The following ADAMTS6 variants were observed in gnomAD, a reference collection of about 807,000 sequenced individuals.
ADAMTS6 encodes A disintegrin and metalloproteinase with thrombospondin motifs 6.
A neutral mutation model predicts 144.3 loss-of-function variants in ADAMTS6; 23 were observed. The ratio of observed to expected loss-of-function variants is 0.16; its 90% CI spans 0.11 to 0.23. ADAMTS6 has a LOEUF of 0.23. Among genes scored for constraint, ADAMTS6 ranks in the 10% least tolerant of loss-of-function variants. ADAMTS6 has a pLI of 1.00. For synonymous variants in ADAMTS6, 444 were observed against 457.5 expected (o/e 0.97, Z 0.38); for missense variants, 999 against 1,379.6 (o/e 0.72, Z 4.37).
intron 14 of ADAMTS6, among the ~76,000 whole-genome samples, chr5:65,247,642 G>A (rs536923506): frequency 6.6e-6 from 1 of 152,206 alleles, no homozygotes; most frequent in East Asian, 1.9e-4. Flanking sequence ...AGACAGCCAA[G>A]AATGAAAACG....
intron 9 of ADAMTS6, among the ~76,000 whole-genome samples, chr5:65,301,213 T>C (rs887209681): frequency 2.0e-5 from 3 of 152,234 alleles, no homozygotes; most frequent in Non-Finnish European, 4.4e-5. Flanking sequence ...TATATATGTG[T>C]ATGTGTTTAT....
intron 11 of ADAMTS6, among the ~76,000 whole-genome samples, chr5:65,279,834 C>T (rs1762853304): frequency 6.6e-6 from 1 of 152,136 alleles, no homozygotes; most frequent in Non-Finnish European, 1.5e-5. Flanking sequence ...CTATCTTTTT[C>T]TCTTGGATCA....
At chr5:65,362,345 A>G (rs974936943) in intron 7 of ADAMTS6, among the ~76,000 whole-genome samples, 6 of 152,204 alleles carry the variant, frequency 3.9e-5, no homozygotes, top group Non-Finnish European at 7.3e-5. Context: ...TCAACTTTAT[A>G]GCATTGCTAG....
At chr5:65,187,918 T>G in intron 22 of ADAMTS6, 98 bp downstream of exon 22, 3 of 1,226,144 alleles carry the variant, frequency 2.4e-6, no homozygotes, top group Non-Finnish European at 3.5e-6. Context: ...CCTTACTTGT[T>G]GAGTTCTAAG....
Position 65,188,176 on chromosome 5 carries a change from C to T in ADAMTS6, c.2750G>A (p.Gly917Asp). Residue 917 changes from glycine to aspartate, a missense_variant, in exon 22 of 25, where the codon GGT becomes GAT. Gly to Asp is a moderately conservative substitution (Grantham distance 94). Transcript: ENST00000381055. ...GAGCACTGCCCTTGTGCGCATCCCA[C>T]CATCACAAGTCTTGCTGCATTCCAA... is the stretch of plus-strand genomic sequence containing the variant. Reference protein sequence around the residue: ...DWLECSKTCDGGMRTRAVLCI... With the variant: ...DWLECSKTCDDGMRTRAVLCI... 3 of 1,614,154 alleles carry T rather than the reference C, an allele frequency of 1.9e-6. No individual in the cohort carries two copies. The highest frequency in any genetic ancestry group is 1.7e-6 in the Non-Finnish European group (2 of 1,180,012).
At chr5:65,249,840 C>T (rs1432460613) in intron 14 of ADAMTS6, among the ~76,000 whole-genome samples, 1 of 152,182 alleles carries the variant, frequency 6.6e-6, no homozygotes. Flanking sequence ...TCTTCACTTA[C>T]CCTGCAACTC....
At chr5:65,186,968 T>C (rs1026099059) in intron 22 of ADAMTS6, among the ~76,000 whole-genome samples, 1 of 152,182 alleles carries the variant, frequency 6.6e-6, no homozygotes, top group East Asian at 1.9e-4. Context: ...CACAGGGGAA[T>C]AGTAACATCC....
At chr5:65,431,877 T>C (rs1034410147) in intron 7 of ADAMTS6, among the ~76,000 whole-genome samples, 3 of 152,046 alleles carry the variant, frequency 2.0e-5, no homozygotes, top group African/African-American at 7.2e-5. Flanking sequence ...AGATGTATAT[T>C]TGGATATAGA....
At chr5:65,187,116 T>C (rs1366222971) in intron 22 of ADAMTS6, among the ~76,000 whole-genome samples, 1 of 152,226 alleles carries the variant, frequency 6.6e-6, no homozygotes, top group African/African-American at 2.4e-5. Context: ...TGCATCCTGT[T>C]TTGCTAACTT....
At chr5:65,431,188 C>T (rs1018890977) in intron 7 of ADAMTS6, among the ~76,000 whole-genome samples, 7 of 151,944 alleles carry the variant, frequency 4.6e-5, no homozygotes, top group Non-Finnish European at 7.4e-5. Flanking sequence ...CCAGTCTTTC[C>T]GCTGCAGCCA....
chr5:65,326,703 A>T (rs576607393), intron 9 of ADAMTS6, among the ~76,000 whole-genome samples: 1 of 152,288 alleles, frequency 6.6e-6, no homozygotes, highest in South Asian at 2.1e-4. Flanking sequence ...AGTCACAAAA[A>T]ATCAGTATAC....
At chr5:65,452,109 A>C in intron 6 of ADAMTS6, 24 bp downstream of exon 6, 1 of 1,567,590 alleles carries the variant, frequency 6.4e-7, no homozygotes, top group East Asian at 2.2e-5. Flanking sequence ...ACAATCTTAG[A>C]TATATAAACT....
intron 20 of ADAMTS6, among the ~76,000 whole-genome samples, chr5:65,198,040 T>C (rs1220774357): frequency 1.3e-5 from 2 of 152,204 alleles, no homozygotes; most frequent in East Asian, 3.8e-4. Context: ...ATTTTCTCTT[T>C]AGTGTCAAGG....
intron 24 of ADAMTS6, among the ~76,000 whole-genome samples, chr5:65,154,402 CTTG>C (rs954920955): frequency 1.3e-5 from 2 of 152,204 alleles, no homozygotes; most frequent in African/African-American, 2.4e-5. Flanking sequence ...TCCCAATACC[CTTG>C]TTAAGTTAGT....
intron 14 of ADAMTS6, among the ~76,000 whole-genome samples, chr5:65,249,081 G>A (rs1440780336): frequency 3.3e-5 from 5 of 152,042 alleles, no homozygotes; most frequent in African/African-American, 1.2e-4. Context: ...CATGAGCAGG[G>A]TAGGAAAGGG....
chr5:65,277,078 A>G (rs16893633), intron 11 of ADAMTS6, among the ~76,000 whole-genome samples: 2,379 of 152,262 alleles, frequency 0.016, 60 homozygotes, highest in African/African-American at 0.055. Context: ...AAGGAAGGAG[A>G]GAGAAGTTAT....
intron 15 of ADAMTS6, among the ~76,000 whole-genome samples, chr5:65,230,044 C>T (rs1393198307): frequency 6.6e-6 from 1 of 151,862 alleles, no homozygotes; most frequent in Admixed American, 6.6e-5. Flanking sequence ...CTCCATAGGT[C>T]TATCAGCAGA....
chr5:65,405,308 GAATT>G lies in ADAMTS6; in HGVS notation c.1073+46163_1073+46166del, dbSNP rs909746258. 9.7e-4 allele frequency among the ~76,000 whole-genome samples: 148 copies of G among 152,216 alleles called. 1 individual carries two copies. Among genetic ancestry groups the G allele is most frequent in the Non-Finnish European group, 1.4e-3 (95 of 68,010 alleles). ...AACATTTCAGTCTTTAATCCATTTT[GAATT>G]AATTTTTATATAAGGTGTAAGGAAG... On this transcript the variant is annotated intron_variant, in intron 7 of 24. Coordinates refer to ENST00000381055, the MANE Select transcript of ADAMTS6 (RefSeq NM_197941.4).
intron 7 of ADAMTS6, among the ~76,000 whole-genome samples, chr5:65,371,195 A>T (rs142785776): frequency 0.077 from 11,654 of 152,238 alleles, 1,525 homozygotes; most frequent in African/African-American, 0.27. Context: ...AAAACTGGAA[A>T]CTCTAAAAAG....
Sources: allele counts gnomAD v4.1 joint callset (sites outside exome capture counted in the v4.1 genomes callset), GRCh38; gene constraint gnomAD v4.1.1; transcripts MANE v1.5; gene names NCBI Gene and HGNC (gene_info 2026-07-23, HGNC 2026-07-21).